The following PLXNA4 variants were observed in gnomAD, a reference collection of about 807,000 sequenced individuals.
PLXNA4 encodes the protein plexin-A4.
In PLXNA4, 44 loss-of-function variants were observed where a neutral mutation model predicts 191.8. That is an observed-to-expected ratio of 0.23 (90% CI 0.18 to 0.29). The LOEUF (loss-of-function observed/expected upper bound fraction) is 0.29. Among genes scored for constraint, PLXNA4 ranks in the 10% least tolerant of loss-of-function variants. The pLI, the probability that PLXNA4 is intolerant of heterozygous loss-of-function variation, is 1.00. For synonymous variants in PLXNA4, 1,082 were observed against 1,009.5 expected (o/e 1.07, Z -1.36); for missense variants, 1,800 against 2,488.8 (o/e 0.72, Z 5.89).
At chr7:132,264,791 G>A (rs953405812) in intron 4 of PLXNA4, among the ~76,000 whole-genome samples, 3 of 151,304 alleles carry the variant, frequency 2.0e-5, no homozygotes, top group African/African-American at 7.3e-5. Context: ...GCCGCCTCCT[G>A]GGCTCAAGTG....
chr7:132,132,477 G>A (rs62469694), intron 31 of PLXNA4, among the ~76,000 whole-genome samples: 6,209 of 60,344 alleles, frequency 0.1, 858 homozygotes, highest in Admixed American at 0.12. Context: ...GCTCTGCTCT[G>A]CTCTGCTCTG....
At chr7:132,211,901 C>T (rs879683876) in intron 9 of PLXNA4, among the ~76,000 whole-genome samples, 1 of 152,118 alleles carries the variant, frequency 6.6e-6, no homozygotes, top group Non-Finnish European at 1.5e-5. Flanking sequence ...CAGCTTTGTC[C>T]AGGGAGGGCT....
intron 1 of PLXNA4, among the ~76,000 whole-genome samples, chr7:132,516,244 A>G (rs192892871): frequency 1.3e-5 from 2 of 151,272 alleles, no homozygotes; most frequent in East Asian, 3.9e-4. Context: ...TTATTTATTT[A>G]TTTATTTATT....
chr7:132,565,486 C>T (rs1801679490), intron 1 of PLXNA4, among the ~76,000 whole-genome samples: 2 of 152,144 alleles, frequency 1.3e-5, no homozygotes, highest in Non-Finnish European at 2.9e-5. Context: ...CCTATTACAC[C>T]GCAATTGTCA....
intron 3 of PLXNA4, among the ~76,000 whole-genome samples, chr7:132,324,658 C>T (rs1356630637): frequency 2.6e-5 from 4 of 152,108 alleles, no homozygotes; most frequent in East Asian, 1.9e-4. Context: ...GAATGAGGGT[C>T]GGCTATTAAA....
intron 3 of PLXNA4, among the ~76,000 whole-genome samples, chr7:132,302,129 T>C (rs6467429): frequency 0.51 from 77,450 of 152,058 alleles, 20,844 homozygotes; most frequent in African/African-American, 0.66. Context: ...AGAGAGAGAA[T>C]TGACTAAGAG....
intron 10 of PLXNA4, among the ~76,000 whole-genome samples, chr7:132,204,565 T>C (rs1562919349): frequency 6.6e-6 from 1 of 152,152 alleles, no homozygotes; most frequent in Non-Finnish European, 1.5e-5. Flanking sequence ...TTAATTCAAA[T>C]TTAATTTGAA....
intron 4 of PLXNA4, among the ~76,000 whole-genome samples, chr7:132,265,729 G>A (rs887892573): frequency 1.3e-5 from 2 of 152,164 alleles, no homozygotes; most frequent in African/African-American, 4.8e-5. Flanking sequence ...TGAAGAACAG[G>A]ACAGGGCTCA....
chr7:132,208,648 C>A (rs1797702928), intron 10 of PLXNA4, among the ~76,000 whole-genome samples: 1 of 152,226 alleles, frequency 6.6e-6, no homozygotes, highest in African/African-American at 2.4e-5. Flanking sequence ...CCACTGTGTC[C>A]TGGGACATCA....
At chr7:132,624,418 C>T (rs962951722) in intron 2 of PLXNA4, among the ~76,000 whole-genome samples, 2 of 152,150 alleles carry the variant, frequency 1.3e-5, no homozygotes, top group Non-Finnish European at 2.9e-5. Context: ...AAAGGTGATC[C>T]TTTCTCATGA....
chr7:132,358,308 A>C (rs1304679998), intron 3 of PLXNA4, among the ~76,000 whole-genome samples: 41 of 152,340 alleles, frequency 2.7e-4, no homozygotes, highest in Non-Finnish European at 5.9e-5. Context: ...GTGGAGGTTC[A>C]AGTTCACTTG....
chr7:132,165,061 G>C, intron 23 of PLXNA4, 73 bp downstream of exon 23: 2 of 1,570,964 alleles, frequency 1.3e-6, no homozygotes, highest in African/African-American at 1.3e-5. Flanking sequence ...ACTCGGGGGT[G>C]TGGAGCGATC....
intron 20 of PLXNA4, among the ~76,000 whole-genome samples, chr7:132,175,150 C>A (rs1796416319): frequency 6.6e-6 from 1 of 152,136 alleles, no homozygotes; most frequent in African/African-American, 2.4e-5. Context: ...GGGGCTAAAA[C>A]CTTTCCAAAG....
intron 1 of PLXNA4, among the ~76,000 whole-genome samples, chr7:132,512,500 G>A (rs1230162370): frequency 3.9e-5 from 6 of 152,148 alleles, no homozygotes; most frequent in Non-Finnish European, 2.9e-5. Context: ...GGGGCCCACA[G>A]AAACAATAAC....
intron 5 of PLXNA4, among the ~76,000 whole-genome samples, chr7:132,236,447 C>T (rs181315767): frequency 5.9e-5 from 9 of 152,272 alleles, no homozygotes; most frequent in African/African-American, 1.2e-4. Flanking sequence ...CTTTTCCTGC[C>T]GTCCTGGTCT....
intron 4 of PLXNA4, among the ~76,000 whole-genome samples, chr7:132,268,886 G>A (rs1310581843): frequency 6.6e-6 from 1 of 152,156 alleles, no homozygotes; most frequent in African/African-American, 2.4e-5. Context: ...ACTTATTGAT[G>A]TTTCAGCTGT....
intron 3 of PLXNA4, among the ~76,000 whole-genome samples, chr7:132,483,337 G>A (rs1797413548): frequency 1.3e-5 from 2 of 152,196 alleles, no homozygotes; most frequent in South Asian, 4.1e-4. Context: ...GAGCCCAGCA[G>A]TAAAAGGACC....
At chr7:132,235,569 G>A (rs927957188) in intron 5 of PLXNA4, among the ~76,000 whole-genome samples, 2 of 152,208 alleles carry the variant, frequency 1.3e-5, no homozygotes, top group African/African-American at 2.4e-5. Flanking sequence ...GGGGGTGAAA[G>A]GGAGACTTTA....
At chr7:132,568,995 G>A (rs1191453107) in intron 1 of PLXNA4, among the ~76,000 whole-genome samples, 4 of 152,214 alleles carry the variant, frequency 2.6e-5, no homozygotes, top group Non-Finnish European at 5.9e-5. Context: ...GAGAGCCAAG[G>A]AAGCCCCAGC....
Sources: allele counts gnomAD v4.1 joint callset (sites outside exome capture counted in the v4.1 genomes callset), GRCh38; gene constraint gnomAD v4.1.1; transcripts MANE v1.5; gene names NCBI Gene and HGNC (gene_info 2026-07-23, HGNC 2026-07-21).